MROH9: variants seen among roughly 807,000 people sequenced by gnomAD.
MROH9 encodes the protein maestro heat-like repeat-containing protein family member 9.
Under a neutral mutation model 98.2 loss-of-function variants are expected in MROH9, and 92 were observed. That is an observed-to-expected ratio of 0.94 (90% CI 0.79 to 1.11). MROH9 has a LOEUF of 1.11. MROH9 is among the 50% of genes most tolerant of loss of function. The pLI is 0.00. For missense variants in MROH9, 1,057 were observed against 1,014.8 expected (o/e 1.04, Z -0.57); for synonymous variants, 397 against 368.9 (o/e 1.08, Z -0.87).
At chr1:171,021,491 C>T (rs991653514) in intron 17 of MROH9, among the ~76,000 whole-genome samples, 89 of 152,002 alleles carry the variant, frequency 5.9e-4, no homozygotes, top group Non-Finnish European at 1.5e-4. Context: ...ACAATCCTGC[C>T]AAAAGCAAGC....
intron 20 of MROH9, among the ~76,000 whole-genome samples, chr1:171,045,867 T>A (rs750933208): frequency 6.6e-6 from 1 of 152,206 alleles, no homozygotes; most frequent in African/African-American, 2.4e-5. Flanking sequence ...GTCTAGAAGA[T>A]CTTTGCAATG....
chr1:171,039,080 C>T (rs1046494618), intron 20 of MROH9, among the ~76,000 whole-genome samples: 2 of 152,158 alleles, frequency 1.3e-5, no homozygotes, highest in Non-Finnish European at 2.9e-5. Context: ...CATTCTTCCA[C>T]ACAGTTGAGA....
intron 8 of MROH9, among the ~76,000 whole-genome samples, chr1:170,980,940 C>T (rs1024625820): frequency 1.3e-5 from 2 of 151,900 alleles, no homozygotes; most frequent in Non-Finnish European, 2.9e-5. Context: ...ACAAACAACC[C>T]CATCAAAAAG....
intron 7 of MROH9, among the ~76,000 whole-genome samples, chr1:170,966,676 T>C (rs1481911358): frequency 3.9e-5 from 6 of 152,142 alleles, no homozygotes; most frequent in African/African-American, 1.2e-4. Flanking sequence ...TCCAGAGTGT[T>C]CTTTGTATCA....
chr1:171,063,311 G>T (rs963051225), intron 21 of MROH9, among the ~76,000 whole-genome samples: 1 of 140,488 alleles, frequency 7.1e-6, no homozygotes, highest in African/African-American at 2.6e-5. Context: ...GGAGTGCAGT[G>T]GTGTGATCTC....
At chr1:171,024,303 G>GTGTGTGTGTGTGTGTGTGT (rs1553219583) in intron 17 of MROH9, 92 bp from the exon 18 acceptor site, 4 of 669,986 alleles carry the variant, frequency 6.0e-6, no homozygotes, top group African/African-American at 5.6e-5. Context: ...ATTTATATGG[G>GTGTGTGTGTGTGTGTGTGT]GTGTGTGTGT....
chr1:171,041,561 ATTTG>A (rs1557910522), intron 20 of MROH9, among the ~76,000 whole-genome samples: 3 of 151,472 alleles, frequency 2.0e-5, no homozygotes, highest in African/African-American at 7.3e-5. Context: ...TGATACAATT[ATTTG>A]TTTTTCTTCG....
At chr1:170,981,385 A>G (rs1406119478) in intron 8 of MROH9, among the ~76,000 whole-genome samples, 1 of 152,232 alleles carries the variant, frequency 6.6e-6, no homozygotes, top group East Asian at 1.9e-4. Context: ...GATAGACTGG[A>G]TAAAGAAAAT....
rs377650131 is a variant in MROH9 at position 171,041,347 on chromosome 1, A to ATGTGTGTGTGTG, written c.2281+15957_2281+15968dup. On this transcript the variant is annotated intron_variant, in intron 20 of 21. Transcript: ENST00000367759. ...TTTTATGGCTGAGTAGTATTCCATG[A>ATGTGTGTGTGTG]TGTGTGTGTGTGTGTGTGTGTGTGT... Among the ~76,000 whole-genome samples, 243 of 80,626 alleles carry ATGTGTGTGTGTG rather than the reference A, an allele frequency of 3.0e-3. 7 individuals carry two copies. Among genetic ancestry groups the ATGTGTGTGTGTG allele is most frequent in the African/African-American group, 7.7e-3 (177 of 22,942 alleles). 52.9% of individuals were successfully genotyped at this position (80,626 alleles called of 152,430 possible). A position where few individuals can be genotyped will look rare whatever the true frequency, so the allele number is the denominator to read the frequency against.
At chr1:171,064,006 A>G in intron 21 of MROH9, 93 bp from the exon 22 acceptor site, 1 of 1,248,472 alleles carries the variant, frequency 8.0e-7, no homozygotes, top group Non-Finnish European at 1.1e-6. Context: ...AGAAGGGGGC[A>G]CTCTGTGAAA....
At chr1:171,043,403 GGTAAT>G (rs2101860789) in intron 20 of MROH9, among the ~76,000 whole-genome samples, 1 of 152,206 alleles carries the variant, frequency 6.6e-6, no homozygotes, top group East Asian at 1.9e-4. Context: ...TTTGAAATCA[GGTAAT>G]GTGATTCCTC....
At chr1:171,036,686 C>A (rs1326462017) in intron 20 of MROH9, among the ~76,000 whole-genome samples, 1 of 149,830 alleles carries the variant, frequency 6.7e-6, no homozygotes, top group Non-Finnish European at 1.5e-5. Flanking sequence ...TGTATTGTCA[C>A]AAATGCAACA....
chr1:170,982,796 G>A (rs1004826802), intron 8 of MROH9, among the ~76,000 whole-genome samples: 5 of 152,146 alleles, frequency 3.3e-5, no homozygotes, highest in Non-Finnish European at 2.9e-5. Context: ...TGGGGAGGCT[G>A]AGGTGAGAAG....
intron 8 of MROH9, among the ~76,000 whole-genome samples, chr1:170,975,081 A>G (rs1650627074): frequency 6.6e-6 from 1 of 152,064 alleles, no homozygotes; most frequent in South Asian, 2.1e-4. Context: ...AAAAAAGCAG[A>G]TAACACAAAA....
chr1:170,937,209 A>T (rs527972127), intron 1 of MROH9, among the ~76,000 whole-genome samples: 7 of 152,196 alleles, frequency 4.6e-5, no homozygotes, highest in Non-Finnish European at 8.8e-5. Context: ...CTGTTCCAAC[A>T]TATGTCCTGC....
At chr1:170,958,865 A>G (rs1649896571) in intron 4 of MROH9, among the ~76,000 whole-genome samples, 1 of 152,232 alleles carries the variant, frequency 6.6e-6, no homozygotes, top group South Asian at 2.1e-4. Flanking sequence ...TTTAAAGCTT[A>G]GCATGGCTTT....
chr1:171,016,918 G>A (rs1652346035), intron 17 of MROH9, among the ~76,000 whole-genome samples: 1 of 152,084 alleles, frequency 6.6e-6, no homozygotes, highest in East Asian at 1.9e-4. Flanking sequence ...TATGCCATGG[G>A]GAATCTATGT....
chr1:171,053,300 A>G (rs1442833675), intron 20 of MROH9, among the ~76,000 whole-genome samples: 1 of 152,164 alleles, frequency 6.6e-6, no homozygotes, highest in East Asian at 1.9e-4. Flanking sequence ...CCAGTTTGAA[A>G]ATGTTGTCCT....
intron 20 of MROH9, among the ~76,000 whole-genome samples, chr1:171,044,161 G>C: frequency 6.6e-6 from 1 of 151,928 alleles, no homozygotes; most frequent in Non-Finnish European, 1.5e-5. Flanking sequence ...GTTTTTTAAG[G>C]GTTTTTATCA....
Sources: gnomAD v4.1 joint callset for allele counts (sites outside exome capture counted in the v4.1 genomes callset) on GRCh38, gnomAD v4.1.1 for gene constraint, MANE v1.5 for transcripts, NCBI Gene and HGNC (gene_info 2026-07-23, HGNC 2026-07-21) for gene names.